The following EHBP1 variants were observed in gnomAD, a reference collection of about 807,000 sequenced individuals.
The protein encoded by EHBP1 is EH domain binding protein 1.
A neutral mutation model predicts 144.0 loss-of-function variants in EHBP1; 55 were observed. The observed-to-expected ratio is 0.38, with a 90% CI of 0.31 to 0.48. The LOEUF (loss-of-function observed/expected upper bound fraction) is 0.48. EHBP1 is among the 20% of genes least tolerant of loss of function. EHBP1 has a pLI of 0.98. For missense variants in EHBP1, 1,200 were observed against 1,364.2 expected (o/e 0.88, Z 1.90); for synonymous variants, 469 against 472.7 (o/e 0.99, Z 0.10).
chr2:62,747,338 A>T, intron 2 of EHBP1, 57 bp from the exon 3 acceptor site: 2 of 1,546,284 alleles, frequency 1.3e-6, no homozygotes. Context: ...AAAGGCGCTA[A>T]AATGAAACTT....
At chr2:62,829,681 G>A (rs917235264) in intron 6 of EHBP1, among the ~76,000 whole-genome samples, 2 of 144,914 alleles carry the variant, frequency 1.4e-5, no homozygotes, top group African/African-American at 5.0e-5. Flanking sequence ...GTGGTATTGT[G>A]TATATATAAT....
chr2:62,835,532 C>T (rs1228599210), intron 7 of EHBP1, among the ~76,000 whole-genome samples: 1 of 152,170 alleles, frequency 6.6e-6, no homozygotes, highest in African/African-American at 2.4e-5. Context: ...CAGCTCCCAG[C>T]GTGAGCGACG....
chr2:62,729,612 T>TA (rs2037300364), intron 2 of EHBP1, among the ~76,000 whole-genome samples: 1 of 133,034 alleles, frequency 7.5e-6, no homozygotes, highest in Admixed American at 8.5e-5. Flanking sequence ...ATAAATATAA[T>TA]AATAAATAAA....
chr2:62,954,712 G>A (rs960626347), intron 13 of EHBP1, among the ~76,000 whole-genome samples: 1 of 152,030 alleles, frequency 6.6e-6, no homozygotes, highest in Admixed American at 6.5e-5. Context: ...CCTTGACAGT[G>A]ATACTTATGA....
At chr2:62,875,531 C>T (rs776595835) in intron 10 of EHBP1, among the ~76,000 whole-genome samples, 2 of 152,166 alleles carry the variant, frequency 1.3e-5, no homozygotes, top group East Asian at 3.8e-4. Flanking sequence ...AACATCAGCC[C>T]ACACAGATGA....
chr2:62,947,257 G>A (rs2057121659), intron 12 of EHBP1, among the ~76,000 whole-genome samples: 1 of 152,006 alleles, frequency 6.6e-6, no homozygotes, highest in Admixed American at 6.6e-5. Flanking sequence ...TTTCTTACTT[G>A]TTCCATAATG....
At chr2:62,846,402 T>C (rs1183975709) in intron 7 of EHBP1, among the ~76,000 whole-genome samples, 1 of 152,152 alleles carries the variant, frequency 6.6e-6, no homozygotes, top group African/African-American at 2.4e-5. Context: ...GGAAAAAAAT[T>C]ATATAGTCAA....
Position 62,993,548 on chromosome 2 carries a change from C to T in EHBP1, c.2752C>T (p.Arg918Trp), listed in dbSNP as rs780095324. The change falls in exon 17 of 23, where the codon CGG becomes TGG. Residue 918 changes from arginine to tryptophan, a missense_variant. Around this residue, in one of 6 missense-constraint regions of EHBP1, gnomAD observed 543 missense variants for 513.1 expected, o/e 1.06. Coordinates refer to ENST00000431489, the MANE Select transcript of EHBP1 (RefSeq NM_001142616.3). Reference sequence around the variant, plus strand: ...CGTTTAGAGTGGCACAGAAGATCTCCGGACTGAACGATTACAAAAAACAAC... The same window carrying T: ...CGTTTAGAGTGGCACAGAAGATCTCTGGACTGAACGATTACAAAAAACAAC... ...QDMKSGTEDL[R>W]TERLQKTTER... 2.5e-5 allele frequency: 39 copies of T among 1,591,280 alleles called. No individual in the cohort carries two copies. Among genetic ancestry groups the T allele is most frequent in the East Asian group, 4.5e-5 (2 of 44,488 alleles).
At chr2:62,927,199 G>A (rs1332266762) in intron 10 of EHBP1, among the ~76,000 whole-genome samples, 1 of 152,154 alleles carries the variant, frequency 6.6e-6, no homozygotes, top group African/African-American at 2.4e-5. Flanking sequence ...TGGGAAGGCA[G>A]GGGAGGTGGT....
intron 10 of EHBP1, among the ~76,000 whole-genome samples, chr2:62,898,727 C>A (rs192992662): frequency 2.0e-5 from 3 of 148,130 alleles, no homozygotes; most frequent in African/African-American, 7.5e-5. Flanking sequence ...GATGGATAGA[C>A]GAAAGGAAAA....
intron 10 of EHBP1, among the ~76,000 whole-genome samples, chr2:62,889,775 ATCTAT>A (rs2052290409): frequency 6.6e-6 from 1 of 151,378 alleles, no homozygotes; most frequent in Admixed American, 6.6e-5. Context: ...TTGTTTTTGT[ATCTAT>A]TCTGTGTCTA....
At chr2:62,797,867 C>T (rs1051185394) in intron 5 of EHBP1, among the ~76,000 whole-genome samples, 5 of 152,138 alleles carry the variant, frequency 3.3e-5, no homozygotes, top group Non-Finnish European at 7.4e-5. Context: ...CCAGCCTTAA[C>T]TATTTAACAA....
chr2:62,898,371 AG>A (rs1337603925), intron 10 of EHBP1, among the ~76,000 whole-genome samples: 2 of 152,216 alleles, frequency 1.3e-5, no homozygotes, highest in African/African-American at 2.4e-5. Flanking sequence ...CTCTCCTGAA[AG>A]ACAGAGTTAA....
chr2:62,903,886 A>T (rs2053603299), intron 10 of EHBP1, among the ~76,000 whole-genome samples: 1 of 152,140 alleles, frequency 6.6e-6, no homozygotes, highest in Non-Finnish European at 1.5e-5. Flanking sequence ...CTAATACAAA[A>T]TTTTTAAATA....
chr2:62,863,819 T>TTTTA (rs2049803915), intron 8 of EHBP1, among the ~76,000 whole-genome samples: 1 of 133,996 alleles, frequency 7.5e-6, no homozygotes, highest in African/African-American at 2.8e-5. Context: ...TTTATTTTTT[T>TTTTA]AAATTTTATT....
At chr2:62,874,918 C>A (rs1331266546) in intron 10 of EHBP1, among the ~76,000 whole-genome samples, 2 of 152,144 alleles carry the variant, frequency 1.3e-5, no homozygotes, top group Non-Finnish European at 1.5e-5. Context: ...TGCACACAGA[C>A]CTCACCACCC....
intron 15 of EHBP1, among the ~76,000 whole-genome samples, chr2:62,986,954 A>G (rs1245843211): frequency 6.6e-6 from 1 of 152,166 alleles, no homozygotes; most frequent in Non-Finnish European, 1.5e-5. Flanking sequence ...AAATCTTCGG[A>G]ATACCTCACT....
intron 19 of EHBP1, among the ~76,000 whole-genome samples, chr2:63,007,728 A>G (rs1054990375): frequency 6.6e-6 from 1 of 151,836 alleles, no homozygotes; most frequent in Non-Finnish European, 1.5e-5. Context: ...CTACCCACAC[A>G]TAAGTTAAAA....
chr2:62,712,927 A>G (rs1425585476), intron 2 of EHBP1, among the ~76,000 whole-genome samples: 1 of 152,240 alleles, frequency 6.6e-6, no homozygotes, highest in Non-Finnish European at 1.5e-5. Flanking sequence ...TACTGCATAC[A>G]TGAAATATGA....
Sources: allele counts gnomAD v4.1 joint callset (sites outside exome capture counted in the v4.1 genomes callset), GRCh38; gene constraint gnomAD v4.1.1; regional missense constraint gnomAD v4.1.1; transcripts MANE v1.5; gene names NCBI Gene and HGNC (gene_info 2026-07-23, HGNC 2026-07-21).